Variants in LHPP observed in about 807,000 individuals in gnomAD.
The protein encoded by LHPP is hLHPP.
Under a neutral mutation model 30.3 loss-of-function variants are expected in LHPP, and 24 were observed. The observed-to-expected ratio is 0.79, with a 90% CI of 0.57 to 1.11. The LOEUF (loss-of-function observed/expected upper bound fraction) is 1.11, where lower values mean the gene tolerates loss of function less well. LHPP is among the 50% of genes most tolerant of loss of function. The probability of loss-of-function intolerance (pLI) is 0.00; values close to 1 mark genes in which losing one functional copy is unlikely to be tolerated. For synonymous variants in LHPP, 150 were observed against 157.1 expected, an observed-to-expected ratio of 0.95 and a Z score of 0.34; for missense variants, 356 against 367.2, an observed-to-expected ratio of 0.97 and a Z score of 0.25.
chr10:124,553,990 G>A, intron 6 of LHPP: 1 of 985,460 alleles, frequency 1.0e-6, no homozygotes, highest in Non-Finnish European at 1.2e-6. Context: ...GGGCGCTCCT[G>A]TGGACAGCTC....
chr10:124,560,000 C>T (rs1201362272), intron 6 of LHPP, among the ~76,000 whole-genome samples: 5 of 152,226 alleles, frequency 3.3e-5, no homozygotes, highest in African/African-American at 1.2e-4. Flanking sequence ...TGGGAGGAGG[C>T]ATCATTTCCA....
At chr10:124,514,792 TCA>T (rs1356209248) in intron 5 of LHPP, among the ~76,000 whole-genome samples, 8 of 149,666 alleles carry the variant, frequency 5.3e-5, no homozygotes, top group African/African-American at 1.5e-4. Flanking sequence ...TTCTCTCATC[TCA>T]CTTTTTTTTT....
intron 6 of LHPP, among the ~76,000 whole-genome samples, chr10:124,562,326 C>CAAACAAAT (rs2133971715): frequency 1.3e-5 from 2 of 151,576 alleles, no homozygotes; most frequent in Admixed American, 1.3e-4. Flanking sequence ...AACAAACAAA[C>CAAACAAAT]AAATAAATAG....
rs900802968 is a variant in LHPP at position 124,483,559 on chromosome 10, C to G, written c.126-580C>G. On this transcript the variant is annotated intron_variant, in intron 1 of 6. Coordinates refer to ENST00000368842, the MANE Select transcript of LHPP (RefSeq NM_022126.4). The stretch of plus-strand genomic sequence containing the variant: ...ACACCTGAGGTCAGGAGTTCGAGAC[C>G]AGCCTTGCTAACATAGTGAAACCCC... 1.1e-4 allele frequency among the ~76,000 whole-genome samples: 17 copies of G among 152,184 alleles called. No homozygotes were observed. The Middle Eastern group carries it at 0.01, about 91-fold the overall frequency.
intron 6 of LHPP, among the ~76,000 whole-genome samples, chr10:124,573,997 C>T (rs1224962420): frequency 1.3e-5 from 2 of 152,134 alleles, no homozygotes; most frequent in African/African-American, 2.4e-5. Flanking sequence ...CTGGAGCCAC[C>T]GTGCTGCCCC....
chr10:124,544,593 T>C (rs891117348), intron 6 of LHPP, among the ~76,000 whole-genome samples: 2 of 152,240 alleles, frequency 1.3e-5, no homozygotes, highest in East Asian at 1.9e-4. Flanking sequence ...AGTCTCACCC[T>C]GCAGGAGGCC....
chr10:124,603,869 G>A (rs1213092934), intron 6 of LHPP, among the ~76,000 whole-genome samples: 1 of 152,204 alleles, frequency 6.6e-6, no homozygotes, highest in Non-Finnish European at 1.5e-5. Context: ...GGGCCTGAGG[G>A]CTGAGCAATC....
At chr10:124,609,926 C>T (rs1446685915) in intron 6 of LHPP, among the ~76,000 whole-genome samples, 1 of 152,220 alleles carries the variant, frequency 6.6e-6, no homozygotes, top group African/African-American at 2.4e-5. Context: ...TTGACTTTTG[C>T]TATTGCAACT....
chr10:124,601,257 A>G (rs1949016636), intron 6 of LHPP, among the ~76,000 whole-genome samples: 1 of 152,194 alleles, frequency 6.6e-6, no homozygotes, highest in Admixed American at 6.5e-5. Context: ...CTTTCAAGGA[A>G]GCAGCTGCCG....
intron 6 of LHPP, among the ~76,000 whole-genome samples, chr10:124,584,062 A>T (rs191354214): frequency 3.3e-5 from 5 of 152,290 alleles, no homozygotes; most frequent in Admixed American, 6.5e-5. Context: ...GTCAGCTGGG[A>T]TTCTGAAGGG....
Position 124,517,391 on chromosome 10 carries a change from C to A in LHPP, c.716+120C>A. ...TCCAAATCAAAGAGCAGTATGTGGG[C>A]ATTCACTATCTTGTATGTAATGGAC... is the stretch of plus-strand genomic sequence containing the variant. On this transcript the variant is annotated intron_variant, in intron 6 of 6. Transcript: ENST00000368842. This position sits in a 1 kb window ranked among gnomAD's most constrained non-coding sequence, Gnocchi z 4.1. The A allele has an allele frequency of 1.6e-6, 1 of 630,054 alleles. No individual in the cohort carries two copies. The allele number at this position is 630,054 out of a possible 1,614,324, so 39.0% of individuals were successfully genotyped here.
At chr10:124,544,441 C>T (rs1955281059) in intron 6 of LHPP, among the ~76,000 whole-genome samples, 1 of 152,150 alleles carries the variant, frequency 6.6e-6, no homozygotes, top group African/African-American at 2.4e-5. Context: ...AGCCAGGTGT[C>T]CAGGCAGGCT....
At chr10:124,577,797 C>G (rs1948688286) in intron 6 of LHPP, among the ~76,000 whole-genome samples, 1 of 150,790 alleles carries the variant, frequency 6.6e-6, no homozygotes, top group South Asian at 2.1e-4. Flanking sequence ...CCCTCCTCCA[C>G]TCTGGCAGCA....
At position 124,556,866 on chromosome 10, in the gene LHPP, G is replaced by A. The variant is rs143183978; in HGVS notation, c.716+39595G>A. On this transcript the variant is annotated intron_variant, in intron 6 of 6. Transcript: ENST00000368842. ...AGTCTTTTTTGTATGTTTTTTAAACGAAGGCTCTTCTTTAATGGGAAATCT... is the reference window on the plus strand; with the variant it reads ...AGTCTTTTTTGTATGTTTTTTAAACAAAGGCTCTTCTTTAATGGGAAATCT... 9.1e-3 allele frequency among the ~76,000 whole-genome samples: 1,380 copies of A among 151,962 alleles called. 13 individuals carry two copies. Among genetic ancestry groups the A allele is most frequent in the African/African-American group, 0.022 (915 of 41,406 alleles).
chr10:124,484,838 T>G (rs1953271322), intron 2 of LHPP, among the ~76,000 whole-genome samples: 1 of 152,248 alleles, frequency 6.6e-6, no homozygotes, highest in Non-Finnish European at 1.5e-5. Flanking sequence ...AGGAACAAGG[T>G]TTGCATCCTG....
rs1271154371 is a variant in LHPP, at chr10:124,593,996, A to G, written c.717-19268A>G. On this transcript the variant is annotated intron_variant, in intron 6 of 6. Coordinates refer to ENST00000368842, the MANE Select transcript of LHPP (RefSeq NM_022126.4). The surrounding 1 kb of genome is among the most constrained non-coding windows in gnomAD (Gnocchi z 4.9). ...TTCAGCATCCTCAGTACCTCTGTGG[A>G]GTGCTGCCATGACCAAACTAGAGAC... 6.6e-6 allele frequency among the ~76,000 whole-genome samples: 1 copy of G among 152,202 alleles called. No homozygotes were observed. The highest frequency in any genetic ancestry group is 1.5e-5 in the Non-Finnish European group (1 of 68,030).
intron 1 of LHPP, among the ~76,000 whole-genome samples, chr10:124,473,633 A>G (rs923212448): frequency 6.6e-6 from 1 of 152,146 alleles, no homozygotes; most frequent in African/African-American, 2.4e-5. Flanking sequence ...CCAGGCTGCA[A>G]GAATTAAGTG....
chr10:124,578,970 G>A (rs1324291299), intron 6 of LHPP, among the ~76,000 whole-genome samples: 1 of 147,864 alleles, frequency 6.8e-6, no homozygotes, highest in Non-Finnish European at 1.5e-5. Context: ...GGACGGGGGG[G>A]TCCGCTGTGT....
chr10:124,528,916 G>A (rs564318755), intron 6 of LHPP, among the ~76,000 whole-genome samples: 2 of 152,044 alleles, frequency 1.3e-5, no homozygotes, highest in African/African-American at 4.8e-5. Flanking sequence ...TCTCTGCTCT[G>A]TTGGTCCCCT....
Sources: gnomAD v4.1 joint callset for allele counts (sites outside exome capture counted in the v4.1 genomes callset) on GRCh38, gnomAD v4.1.1 for gene constraint, Gnocchi (gnomAD v3.1) non-coding constraint, MANE v1.5 for transcripts, NCBI Gene and HGNC (gene_info 2026-07-23, HGNC 2026-07-21) for gene names.